AGMO: variants seen among roughly 807,000 people sequenced by gnomAD.
AGMO encodes the protein glyceryl-ether monooxygenase.
In AGMO, 75 loss-of-function variants were observed where a neutral mutation model predicts 60.2. The ratio of observed to expected loss-of-function variants is 1.25; its 90% CI spans 1.03 to 1.51. The LOEUF is 1.51. Among genes scored for constraint, AGMO ranks in the 40% most tolerant of loss-of-function variants. The pLI, the probability that AGMO is intolerant of heterozygous loss-of-function variation, is 0.00. For missense variants in AGMO, 763 were observed against 525.5 expected (o/e 1.45, Z -4.42); for synonymous variants, 261 against 177.1 (o/e 1.47, Z -3.76).
rs1784244886 is a variant in AGMO at position 15,529,678 on chromosome 7, C to CTATATACAGAA, written c.409+15093_409+15094insTTCTGTATATA. On this transcript the variant is annotated intron_variant, in intron 3 of 12. Transcript: ENST00000342526. ...ATTCTATATATATTCTATATATATT[C>CTATATACAGAA]TATATATAGAATATATATTCCATAT... 3.2e-4 allele frequency among the ~76,000 whole-genome samples: 3 copies of CTATATACAGAA among 9,502 alleles called. 1 individual carries two copies. The highest frequency in any genetic ancestry group is 0.014 in the East Asian group (2 of 138). The allele number at this position is 9,502 out of a possible 152,430, so 6.2% of individuals were successfully genotyped here.
At chr7:15,477,055 C>T (rs1284193755) in intron 3 of AGMO, among the ~76,000 whole-genome samples, 3 of 151,970 alleles carry the variant, frequency 2.0e-5, no homozygotes, top group African/African-American at 7.2e-5. Context: ...CATTGAATGG[C>T]ATCAGTTTGG....
intron 3 of AGMO, among the ~76,000 whole-genome samples, chr7:15,480,075 C>A (rs1045588593): frequency 6.6e-6 from 1 of 152,008 alleles, no homozygotes; most frequent in Non-Finnish European, 1.5e-5. Context: ...AAGTCAAAAG[C>A]GGTTACTATA....
chr7:15,265,977 C>T (rs1783420555), intron 12 of AGMO, among the ~76,000 whole-genome samples: 1 of 152,006 alleles, frequency 6.6e-6, no homozygotes, highest in Admixed American at 6.6e-5. Context: ...CTGATGTATG[C>T]TACAATATGG....
chr7:15,271,740 G>C (rs914416981), intron 12 of AGMO, among the ~76,000 whole-genome samples: 7 of 152,020 alleles, frequency 4.6e-5, no homozygotes, highest in Admixed American at 2.0e-4. Context: ...CTTTTTTCTT[G>C]TTCTGGTTCT....
the AGMO span, among the ~76,000 whole-genome samples, chr7:15,135,979 C>CTTTTTTTT: frequency 4.2e-4 from 45 of 106,756 alleles, no homozygotes; most frequent in East Asian, 1.4e-3. Flanking sequence ...TTTTTCTTTT[C>CTTTTTTTT]TTTTTTTTTT....
At chr7:15,420,683 C>G (rs1398333397) in intron 4 of AGMO, among the ~76,000 whole-genome samples, 2 of 152,090 alleles carry the variant, frequency 1.3e-5, no homozygotes. Context: ...ACTTATAAAA[C>G]CAATTTAAAG....
chr7:15,345,508 T>C (rs1782002178), intron 12 of AGMO, among the ~76,000 whole-genome samples: 1 of 152,216 alleles, frequency 6.6e-6, no homozygotes, highest in Non-Finnish European at 1.5e-5. Flanking sequence ...TGGAGTGTGC[T>C]GTGCATAACA....
intron 12 of AGMO, among the ~76,000 whole-genome samples, chr7:15,292,109 G>T (rs1784280057): frequency 6.6e-6 from 1 of 152,144 alleles, no homozygotes. Context: ...AGGTGGGAGG[G>T]ATGAGAAAAT....
Position 15,365,543 on chromosome 7 carries a change from G to A in AGMO, c.1234C>T (p.Leu412Phe), listed in dbSNP as rs772864412. The change falls in exon 12 of 13, where the codon CTT becomes TTT. Residue 412 changes from leucine to phenylalanine, a missense_variant. By Grantham distance (22) the Leu-to-Phe change is conservative. Coordinates refer to ENST00000342526, the MANE Select transcript of AGMO (RefSeq NM_001004320.2). Reference sequence around the variant, plus strand: ...AAAGCAGATGACAATGAAGGGACAAGAGGCTTCAGGTGACCAAATCGGTAC... The same window carrying A: ...AAAGCAGATGACAATGAAGGGACAAAAGGCTTCAGGTGACCAAATCGGTAC... ...MLYRFGHLKP[L>F]VPSLSSAFEI... The A allele has an allele frequency of 1.2e-6, 2 of 1,612,790 alleles. No homozygotes were observed. The highest frequency in any genetic ancestry group is 1.7e-6 in the Non-Finnish European group (2 of 1,179,076).
chr7:15,541,117 T>G (rs115766877), intron 3 of AGMO, among the ~76,000 whole-genome samples: 5,579 of 152,230 alleles, frequency 0.037, 344 homozygotes, highest in African/African-American at 0.13. Flanking sequence ...TTGTTTGTTT[T>G]TTTGTTTTTG....
At chr7:15,149,621 G>A in the AGMO span, among the ~76,000 whole-genome samples, 8 of 152,190 alleles carry the variant, frequency 5.3e-5, no homozygotes, top group South Asian at 1.7e-3. Flanking sequence ...TCAGATAGTT[G>A]TAAATGTGTG....
At chr7:15,317,918 T>C (rs527328933) in intron 12 of AGMO, among the ~76,000 whole-genome samples, 114 of 141,084 alleles carry the variant, frequency 8.1e-4, no homozygotes, top group African/African-American at 2.6e-3. Flanking sequence ...TATATATATA[T>C]ACACACACGT....
At chr7:15,385,404 A>C in intron 10 of AGMO, 42 bp downstream of exon 10, 1 of 1,260,692 alleles carries the variant, frequency 7.9e-7, no homozygotes, top group Non-Finnish European at 1.1e-6. Flanking sequence ...AAACAAAGTA[A>C]CAGATAATGT....
intron 3 of AGMO, among the ~76,000 whole-genome samples, chr7:15,538,376 G>A (rs1353503506): frequency 6.6e-6 from 1 of 152,062 alleles, no homozygotes; most frequent in Non-Finnish European, 1.5e-5. Context: ...AGAATTGTAG[G>A]CACGTGCCAC....
intron 12 of AGMO, among the ~76,000 whole-genome samples, chr7:15,356,206 A>G (rs963612608): frequency 4.6e-5 from 7 of 152,186 alleles, no homozygotes; most frequent in Non-Finnish European, 1.5e-5. Flanking sequence ...CTAGATGTAT[A>G]AACTAGAGAA....
At chr7:15,382,037 G>A (rs1174772147) in intron 10 of AGMO, among the ~76,000 whole-genome samples, 2 of 152,020 alleles carry the variant, frequency 1.3e-5, no homozygotes, top group African/African-American at 4.8e-5. Flanking sequence ...TGGAGGGTGG[G>A]AGGAGGAAGA....
intron 12 of AGMO, among the ~76,000 whole-genome samples, chr7:15,298,514 C>T (rs1267365939): frequency 1.3e-5 from 2 of 152,076 alleles, no homozygotes; most frequent in Non-Finnish European, 2.9e-5. Flanking sequence ...CTCACCTAAG[C>T]CTCCCAAGTA....
chr7:15,352,145 T>C (rs1782264336), intron 12 of AGMO, among the ~76,000 whole-genome samples: 1 of 152,206 alleles, frequency 6.6e-6, no homozygotes, highest in African/African-American at 2.4e-5. Flanking sequence ...TTAGAACCAT[T>C]TCACGGACTG....
chr7:15,259,014 C>T (rs1175330513), intron 12 of AGMO, among the ~76,000 whole-genome samples: 1 of 151,972 alleles, frequency 6.6e-6, no homozygotes, highest in Admixed American at 6.6e-5. Flanking sequence ...TTCACACCCC[C>T]AAAAGATCAT....
Sources: allele counts gnomAD v4.1 joint callset (sites outside exome capture counted in the v4.1 genomes callset), GRCh38; gene constraint gnomAD v4.1.1; transcripts MANE v1.5; gene names NCBI Gene and HGNC (gene_info 2026-07-23, HGNC 2026-07-21).